Variants in SIRT2 observed in about 807,000 individuals in gnomAD.
The protein encoded by SIRT2 is sirtuin 2, also known as NAD-dependent protein deacetylase sirtuin-2.
A neutral mutation model predicts 57.4 loss-of-function variants in SIRT2; 40 were observed. The observed-to-expected ratio is 0.70, with a 90% CI of 0.54 to 0.91. SIRT2 has a LOEUF of 0.91. SIRT2 is among the 40% of genes least tolerant of loss of function. The pLI is 0.00. For synonymous variants in SIRT2, 161 were observed against 195.7 expected (o/e 0.82, Z 1.48); for missense variants, 439 against 510.4 (o/e 0.86, Z 1.35).
intron 4 of SIRT2, among the ~76,000 whole-genome samples, chr19:38,891,344 T>C (rs1279644379): frequency 6.6e-6 from 1 of 151,464 alleles, no homozygotes; most frequent in Admixed American, 6.6e-5. Context: ...AGGTCAGGAG[T>C]TCAAGACCAG....
intron 14 of SIRT2, 65 bp from the exon 15 acceptor site, chr19:38,879,565 C>G: frequency 6.4e-7 from 1 of 1,556,724 alleles, no homozygotes; most frequent in Non-Finnish European, 8.7e-7. Context: ...TCTCATCTGC[C>G]TTCGTGCCCC....
chr19:38,889,772 G>C (rs772817974), intron 6 of SIRT2, 27 bp from the exon 7 acceptor site: 2 of 1,614,184 alleles, frequency 1.2e-6, no homozygotes, highest in Admixed American at 3.3e-5. Context: ...CAGAGGGCCA[G>C]ATGCCCCAGG....
chr19:38,880,657 C>T lies in SIRT2; in HGVS notation c.876+28G>A, dbSNP rs1301698304. The stretch of plus-strand genomic sequence containing the variant: ...GTGAGAGGGAAGGGGGAGCCTGTGA[C>T]GACGGGGGCTTGAAGAAGGGCTCTT... On this transcript the variant is annotated intron_variant, in intron 13 of 15. Coordinates refer to ENST00000249396, the MANE Select transcript of SIRT2 (RefSeq NM_012237.4). This position sits in a 1 kb window ranked among gnomAD's most constrained non-coding sequence, Gnocchi z 4.1. The T allele has an allele frequency of 2.6e-6, 4 of 1,523,334 alleles. No homozygotes were observed. The highest frequency in any genetic ancestry group is 2.3e-5 in the East Asian group (1 of 43,998). The allele number at this position is 1,523,334 out of a possible 1,614,324, so 94.4% of individuals were successfully genotyped here.
intron 8 of SIRT2, among the ~76,000 whole-genome samples, chr19:38,886,961 G>A (rs546456004): frequency 4.6e-5 from 7 of 151,440 alleles, no homozygotes; most frequent in East Asian, 1.9e-4. Flanking sequence ...TTTTTGAGAC[G>A]GAGTCTCTCT....
At chr19:38,883,530 C>T (rs1435915935) in intron 9 of SIRT2, 97 bp downstream of exon 9, 1 of 1,469,566 alleles carries the variant, frequency 6.8e-7, no homozygotes, top group Non-Finnish European at 9.2e-7. Context: ...AAAAAAACCC[C>T]AAAGAATTGA....
In SIRT2 at chr19:38,898,796, T is replaced by C. The variant is rs138571899; in HGVS notation, c.17-371A>G. ...CATTGTTTCTGGCCCTGACTTACTT[T>C]CTTTCTTTTTTACTTTTTAGAGAAA... On this transcript the variant is annotated intron_variant, in intron 1 of 15. Coordinates refer to ENST00000249396, the MANE Select transcript of SIRT2 (RefSeq NM_012237.4). 828 of 198,648 alleles carry C rather than the reference T, an allele frequency of 4.2e-3. 7 individuals carry two copies. The highest frequency in any genetic ancestry group is 0.025 in the Middle Eastern group (13 of 510). The allele number at this position is 198,648 out of a possible 1,614,324, so 12.3% of individuals were successfully genotyped here.
At position 38,879,481 on chromosome 19, in the gene SIRT2, C is replaced by T. The variant is rs776244453; in HGVS notation, c.967G>A (p.Glu323Lys). ...AGGGCCAGGCAGCCCTGGTCGCATT[C>T]ACCCAGCCAGGCCACGTCCCTGCGG... ...KAYRDVAWLG[E>K]CDQGCLALAE... The change falls in exon 15 of 16, where the codon GAA becomes AAA. Residue 323 changes from glutamate to lysine, a missense_variant. Coordinates refer to ENST00000249396, the MANE Select transcript of SIRT2 (RefSeq NM_012237.4). The T allele has an allele frequency of 5.0e-6, 8 of 1,604,774 alleles. No homozygotes were observed. In the African/African-American group the frequency reaches 1.1e-4, roughly 21 times the overall value.
chr19:38,896,952 G>A (rs1973735742), intron 2 of SIRT2, among the ~76,000 whole-genome samples: 1 of 152,196 alleles, frequency 6.6e-6, no homozygotes, highest in African/African-American at 2.4e-5. Context: ...GAGAGCCGGA[G>A]GTGCTGACGG....
intron 9 of SIRT2, 107 bp downstream of exon 9, chr19:38,883,520 A>G (rs1600109272): frequency 7.0e-7 from 1 of 1,431,998 alleles, no homozygotes; most frequent in East Asian, 2.3e-5. Context: ...CAAACAAAAC[A>G]AAAAAACCCC....
chr19:38,880,630 G>A lies in SIRT2; in HGVS notation c.876+55C>T. The A allele has an allele frequency of 2.4e-6, 3 of 1,272,900 alleles. No individual in the cohort carries two copies. The highest frequency in any genetic ancestry group is 3.3e-6 in the Non-Finnish European group (3 of 910,072). The allele number at this position is 1,272,900 out of a possible 1,614,324, so 78.9% of individuals were successfully genotyped here. On this transcript the variant is annotated intron_variant, in intron 13 of 15. Coordinates refer to ENST00000249396, the MANE Select transcript of SIRT2 (RefSeq NM_012237.4). The surrounding 1 kb of genome is among the most constrained non-coding windows in gnomAD (Gnocchi z 4.1). ...CAGTGGGGGTTCCCTCTGAGGAAAA[G>A]GGTGAGAGGGAAGGGGGAGCCTGTG...
Position 38,894,719 on chromosome 19 carries a change from C to T in SIRT2, c.64-852G>A, listed in dbSNP as rs922201997. 1.8e-5 allele frequency: 8 copies of T among 446,148 alleles called. No homozygotes were observed. The East Asian group carries it at 3.5e-4, about 20-fold the overall frequency. The allele number at this position is 446,148 out of a possible 1,614,324, so 27.6% of individuals were successfully genotyped here. On this transcript the variant is annotated intron_variant, in intron 2 of 15. Transcript: ENST00000249396. ...GCCTCAGACACTCTGCCCACCTCTC[C>T]AGCAACCTCTGTCTCCTTCCTCGAA...
At chr19:38,887,472 G>A (rs1382874061) in intron 8 of SIRT2, among the ~76,000 whole-genome samples, 1 of 152,086 alleles carries the variant, frequency 6.6e-6, no homozygotes, top group East Asian at 1.9e-4. Context: ...TCCCTATGTT[G>A]CCCAGGCTGG....
At chr19:38,893,710 C>T (rs1357566488) in intron 3 of SIRT2, 109 bp downstream of exon 3, 2 of 1,411,214 alleles carry the variant, frequency 1.4e-6, no homozygotes, top group African/African-American at 2.8e-5. Flanking sequence ...CTGCTACATA[C>T]TTTGGATGTC....
intron 2 of SIRT2, 31 bp from the exon 3 acceptor site, chr19:38,893,898 C>G (rs569482532): frequency 1.9e-6 from 3 of 1,613,404 alleles, no homozygotes; most frequent in East Asian, 2.2e-5. Flanking sequence ...TGGCCAGGCC[C>G]GAGAGGTGGG....
At chr19:38,889,277 C>A in intron 7 of SIRT2, 122 bp from the exon 8 acceptor site, 2 of 869,542 alleles carry the variant, frequency 2.3e-6, no homozygotes, top group Non-Finnish European at 3.9e-6. Context: ...TCACAGCAGC[C>A]GCGTCGGGGA....
chr19:38,881,845 G>A (rs898900092), intron 9 of SIRT2, among the ~76,000 whole-genome samples: 10 of 149,872 alleles, frequency 6.7e-5, no homozygotes, highest in African/African-American at 2.5e-4. Flanking sequence ...ATGCCAGCAC[G>A]CCCGGCTAAA....
Position 38,880,904 on chromosome 19 carries a change from G to A in SIRT2, c.748-7C>T, listed in dbSNP as rs564687367. Reference sequence around the variant, plus strand: ...GGTCCACCTTCAGGAAGTCCTGCGGGGAGGGGCGTGAGCTTGGGAGCCTCC... The same window carrying A: ...GGTCCACCTTCAGGAAGTCCTGCGGAGAGGGGCGTGAGCTTGGGAGCCTCC... On this transcript the variant is annotated splice_polypyrimidine_tract_variant and splice_region_variant and intron_variant, in intron 11 of 15. Transcript: ENST00000249396. This position sits in a 1 kb window ranked among gnomAD's most constrained non-coding sequence, Gnocchi z 4.1. 1.6e-5 allele frequency: 26 copies of A among 1,613,104 alleles called. No individual in the cohort carries two copies. The South Asian group carries it at 2.7e-4, about 17-fold the overall frequency.
chr19:38,890,698 G>GAA (rs58117317), intron 4 of SIRT2: 34 of 119,452 alleles, frequency 2.8e-4, no homozygotes, highest in African/African-American at 5.7e-4. Flanking sequence ...TCAAAAAAAG[G>GAA]AAAAAAAAAA....
At position 38,886,415 on chromosome 19, in the gene SIRT2, G is replaced by A. The variant is rs369010622; in HGVS notation, c.502-2659C>T. On this transcript the variant is annotated intron_variant, in intron 8 of 15. Transcript: ENST00000249396. Reference sequence around the variant, plus strand: ...CTGAACAGCGTGGAAAAGAACCACCGAAATACCTCTGCGTTCTGTTATTCT... The same window carrying A: ...CTGAACAGCGTGGAAAAGAACCACCAAAATACCTCTGCGTTCTGTTATTCT... Among the ~76,000 whole-genome samples, 443 of 151,480 alleles carry A rather than the reference G, an allele frequency of 2.9e-3. 5 individuals are homozygous for A. The highest frequency in any genetic ancestry group is 0.01 in the African/African-American group (428 of 41,302).
Sources: gnomAD v4.1 joint callset for allele counts (sites outside exome capture counted in the v4.1 genomes callset) on GRCh38, gnomAD v4.1.1 for gene constraint, Gnocchi (gnomAD v3.1) non-coding constraint, MANE v1.5 for transcripts, NCBI Gene and HGNC (gene_info 2026-07-23, HGNC 2026-07-21) for gene names.